The following STX8 variants were observed in gnomAD, a reference collection of about 807,000 sequenced individuals.
STX8 encodes the protein syntaxin-8.
Under a neutral mutation model 37.5 loss-of-function variants are expected in STX8, and 23 were observed. That is an observed-to-expected ratio of 0.61 (90% CI 0.44 to 0.87). The LOEUF is 0.87. Among genes scored for constraint, STX8 ranks in the 40% least tolerant of loss-of-function variants. The pLI is 0.00. For synonymous variants in STX8, 115 were observed against 99.1 expected, an observed-to-expected ratio of 1.16 and a Z score of -0.95; for missense variants, 313 against 284.7, an observed-to-expected ratio of 1.10 and a Z score of -0.71.
chr17:9,470,177 C>A (rs544894815), intron 6 of STX8, among the ~76,000 whole-genome samples: 1 of 152,274 alleles, frequency 6.6e-6, no homozygotes, highest in South Asian at 2.1e-4. Context: ...AAGATTTCAC[C>A]CTCCTGGCAG....
At chr17:9,493,724 T>C (rs989515056) in intron 5 of STX8, among the ~76,000 whole-genome samples, 2 of 152,162 alleles carry the variant, frequency 1.3e-5, no homozygotes, top group African/African-American at 4.8e-5. Flanking sequence ...GTTTTGAGAG[T>C]TCTTTTGACC....
intron 2 of STX8, among the ~76,000 whole-genome samples, chr17:9,557,894 C>T (rs1042595971): frequency 3.5e-4 from 53 of 152,180 alleles, no homozygotes; most frequent in African/African-American, 1.2e-3. Context: ...ATTGTGTTCC[C>T]CGAGTCTTCA....
intron 6 of STX8, among the ~76,000 whole-genome samples, chr17:9,422,214 C>A (rs532482100): frequency 5.9e-5 from 9 of 151,894 alleles, no homozygotes; most frequent in African/African-American, 2.2e-4. Context: ...AAGCAATTCT[C>A]CTGCCTCAGC....
At chr17:9,383,990 C>T (rs1215992547) in intron 6 of STX8, among the ~76,000 whole-genome samples, 3 of 152,158 alleles carry the variant, frequency 2.0e-5, no homozygotes, top group Admixed American at 6.5e-5. Context: ...ACTGGCCTGA[C>T]CCATATGGTA....
chr17:9,522,553 A>T (rs1415897660), intron 4 of STX8, among the ~76,000 whole-genome samples: 1 of 151,706 alleles, frequency 6.6e-6, no homozygotes, highest in East Asian at 1.9e-4. Flanking sequence ...AAAAAAAAAA[A>T]AAAAAAAAAA....
chr17:9,494,475 T>G (rs1006039518), intron 5 of STX8, among the ~76,000 whole-genome samples: 1 of 151,424 alleles, frequency 6.6e-6, no homozygotes, highest in African/African-American at 2.4e-5. Context: ...ATACAAACAT[T>G]ATCTGGGTGT....
rs966194149 is a variant in STX8 at position 9,312,493 on chromosome 17, G to A, written c.644-61848C>T. Reference sequence around the variant, plus strand: ...TGGGATTACAGGCGTGAGCCACCGCGTCTGGCAAGCATGAGACATTTTAAG... The same window carrying A: ...TGGGATTACAGGCGTGAGCCACCGCATCTGGCAAGCATGAGACATTTTAAG... On this transcript the variant is annotated intron_variant, in intron 7 of 7. Transcript: ENST00000306357. Among the ~76,000 whole-genome samples the A allele has an allele frequency of 5.3e-5, 8 of 152,262 alleles. No homozygotes were observed. In the South Asian group the frequency reaches 6.2e-4, roughly 12 times the overall value.
chr17:9,437,280 C>G (rs1904469821), intron 6 of STX8, among the ~76,000 whole-genome samples: 1 of 152,180 alleles, frequency 6.6e-6, no homozygotes, highest in South Asian at 2.1e-4. Context: ...GTTTCTTTCT[C>G]TCTTTTCTTT....
chr17:9,288,102 G>C (rs575087068), intron 7 of STX8, among the ~76,000 whole-genome samples: 18 of 118,330 alleles, frequency 1.5e-4, no homozygotes, highest in African/African-American at 5.5e-4. Context: ...TGACAAGGGG[G>C]GGGGGGGGGA....
intron 6 of STX8, among the ~76,000 whole-genome samples, chr17:9,444,109 C>A (rs919920884): frequency 6.6e-6 from 1 of 152,106 alleles, no homozygotes; most frequent in Non-Finnish European, 1.5e-5. Context: ...CAGTCCTCAT[C>A]CCATTCTTTA....
At chr17:9,412,329 G>C (rs1443870184) in intron 6 of STX8, among the ~76,000 whole-genome samples, 5 of 151,230 alleles carry the variant, frequency 3.3e-5, no homozygotes, top group African/African-American at 1.2e-4. Context: ...GCCCAGGCTG[G>C]AGTGCAATGG....
chr17:9,454,717 T>C (rs901428060), intron 6 of STX8, among the ~76,000 whole-genome samples: 1 of 151,264 alleles, frequency 6.6e-6, no homozygotes, highest in Non-Finnish European at 1.5e-5. Context: ...TTGTTTTTCC[T>C]GCTATTTTCC....
intron 4 of STX8, among the ~76,000 whole-genome samples, chr17:9,514,942 C>T (rs532798239): frequency 5.3e-5 from 8 of 152,272 alleles, no homozygotes; most frequent in African/African-American, 1.9e-4. Context: ...CTACTGGCAA[C>T]ATATGAACAG....
rs148058394 is a variant in STX8 at position 9,306,695 on chromosome 17, G to A, written c.644-56050C>T. Reference sequence around the variant, plus strand: ...CGGGAGAATCACGTGAACCCAGAAGGCGGAGGTTGCAGTGAGCCCAGATAG... The same window carrying A: ...CGGGAGAATCACGTGAACCCAGAAGACGGAGGTTGCAGTGAGCCCAGATAG... On this transcript the variant is annotated intron_variant, in intron 7 of 7. Coordinates refer to ENST00000306357, the MANE Select transcript of STX8 (RefSeq NM_004853.3). 4.1e-3 allele frequency among the ~76,000 whole-genome samples: 622 copies of A among 151,436 alleles called. 3 individuals carry two copies. The highest frequency in any genetic ancestry group is 0.014 in the African/African-American group (585 of 41,284).
At chr17:9,488,871 CGTGT>C (rs150176375) in intron 6 of STX8, among the ~76,000 whole-genome samples, 12 of 148,414 alleles carry the variant, frequency 8.1e-5, no homozygotes, top group Non-Finnish European at 1.2e-4. Flanking sequence ...CGCTCGGTCA[CGTGT>C]GTGTGTGTGT....
chr17:9,532,005 TC>T (rs1905837662), intron 4 of STX8, among the ~76,000 whole-genome samples: 1 of 152,218 alleles, frequency 6.6e-6, no homozygotes, highest in African/African-American at 2.4e-5. Flanking sequence ...CTTGACTTGA[TC>T]AATGACATGG....
At chr17:9,284,548 A>G (rs1908008024) in intron 7 of STX8, among the ~76,000 whole-genome samples, 2 of 149,544 alleles carry the variant, frequency 1.3e-5, no homozygotes, top group Non-Finnish European at 2.9e-5. Flanking sequence ...CATATGGATA[A>G]AGTAGGAAAG....
At chr17:9,398,570 T>C (rs918253916) in intron 6 of STX8, among the ~76,000 whole-genome samples, 4 of 152,192 alleles carry the variant, frequency 2.6e-5, no homozygotes, top group Non-Finnish European at 5.9e-5. Flanking sequence ...ACTTTAATGA[T>C]AATATATCAA....
At chr17:9,422,093 T>C (rs1301762381) in intron 6 of STX8, among the ~76,000 whole-genome samples, 1 of 150,688 alleles carries the variant, frequency 6.6e-6, no homozygotes, top group Non-Finnish European at 1.5e-5. Flanking sequence ...ATTTACCCAG[T>C]CTCGGGTAGT....
Sources: allele counts gnomAD v4.1 joint callset (sites outside exome capture counted in the v4.1 genomes callset), GRCh38; gene constraint gnomAD v4.1.1; transcripts MANE v1.5; gene names NCBI Gene and HGNC (gene_info 2026-07-23, HGNC 2026-07-21).